The following SETD1A variants were observed in gnomAD, a reference collection of about 807,000 sequenced individuals.
The protein encoded by SETD1A is SET domain containing 1A, histone lysine methyltransferase.
Under a neutral mutation model 149.9 loss-of-function variants are expected in SETD1A, and 29 were observed. That is an observed-to-expected ratio of 0.19 (90% confidence interval 0.14 to 0.26). The LOEUF (loss-of-function observed/expected upper bound fraction) is 0.26, where lower values mean the gene tolerates loss of function less well. Ranked by LOEUF, SETD1A falls within the 10% of genes least tolerant of loss-of-function variation. SETD1A has a pLI of 1.00. For missense variants in SETD1A, 2,109 were observed against 2,353.1 expected (o/e 0.90, Z 2.15); for synonymous variants, 1,141 against 968.5 (o/e 1.18, Z -3.31).
Position 30,980,324 on chromosome 16 carries a change from T to A in SETD1A, c.4408+130T>A, listed in dbSNP as rs1369418505. 6 of 1,435,250 alleles carry A rather than the reference T, an allele frequency of 4.2e-6. No homozygotes were observed. The highest frequency in any genetic ancestry group is 5.6e-6 in the Non-Finnish European group (6 of 1,074,182). The allele number at this position is 1,435,250 out of a possible 1,614,324, so 88.9% of individuals were successfully genotyped here. A position where few individuals can be genotyped will look rare whatever the true frequency, so the allele number is the denominator to read the frequency against. Reference sequence around the variant, plus strand: ...CCATCTTTTCTCTCCTCCTGGTGCCTCTTTTCTGCCTTCCAAAGCATTTCT... The same window carrying A: ...CCATCTTTTCTCTCCTCCTGGTGCCACTTTTCTGCCTTCCAAAGCATTTCT... On this transcript the variant is annotated intron_variant, in intron 14 of 18. Coordinates refer to ENST00000262519, the MANE Select transcript of SETD1A (RefSeq NM_014712.3). This position sits in a 1 kb window ranked among gnomAD's most constrained non-coding sequence, Gnocchi z 7.7.
Position 30,965,738 on chromosome 16 carries a change from G to T in SETD1A, c.1857G>T (p.Ala619=). 6.4e-7 allele frequency: 1 copy of T among 1,563,352 alleles called. No individual in the cohort carries two copies. The highest frequency in any genetic ancestry group is 1.2e-5 in the South Asian group (1 of 86,246). The change falls in exon 8 of 19, where the codon GCG becomes GCT. Residue 619 remains alanine (A), a synonymous_variant. Coordinates refer to ENST00000262519, the MANE Select transcript of SETD1A (RefSeq NM_014712.3). ...PPPPPPPPYL[A]SLPLGYPPHQ... is the part of the protein sequence containing the mutation. ...CGCCGCCTCCTCCTCCCTACCTGGC[G>T]TCCCTTCCTCTTGGTTATCCTCCCC...
At chr16:30,968,208 C>T (rs2056174207) in intron 10 of SETD1A, among the ~76,000 whole-genome samples, 1 of 151,974 alleles carries the variant, frequency 6.6e-6, no homozygotes, top group African/African-American at 2.4e-5. Flanking sequence ...AGTTCAAGAC[C>T]AGCCAGGCCA....
rs765040722 is a variant in SETD1A, at chr16:30,969,361, A to C, written c.2827A>C (p.Lys943Gln). 3.1e-6 allele frequency: 5 copies of C among 1,614,200 alleles called. No homozygotes were observed. The highest frequency in any genetic ancestry group is 4.5e-5 in the East Asian group (2 of 44,868). The change falls in exon 11 of 19, where the codon AAG (lysine) becomes CAG (glutamine). Residue 943 changes from lysine (K) to glutamine (Q), a missense_variant. Transcript: ENST00000262519. ...AGGACGTCCGGGGACCAAGCCCCCG[A>C]AGCGGGACGAAGAGCGAGGCAAGAC... is the stretch of plus-strand genomic sequence containing the variant. ...EPGRPGTKPP[K>Q]RDEERGKTQG...
At chr16:30,960,730 C>CTT (rs71374043) in intron 3 of SETD1A, among the ~76,000 whole-genome samples, 2,904 of 80,352 alleles carry the variant, frequency 0.036, 119 homozygotes, top group Non-Finnish European at 0.039. Flanking sequence ...TTCTTTCTTT[C>CTT]TTTTTTTTTT....
At chr16:30,969,501 TC>T in intron 11 of SETD1A, 39 bp downstream of exon 11, 1 of 1,599,134 alleles carries the variant, frequency 6.3e-7, no homozygotes. Context: ...GAAGCCTACT[TC>T]CCATAGCCAG....
At chr16:30,973,840 C>T (rs1295857189) in intron 13 of SETD1A, among the ~76,000 whole-genome samples, 1 of 152,118 alleles carries the variant, frequency 6.6e-6, no homozygotes, top group Non-Finnish European at 1.5e-5. Context: ...GATGACTCTC[C>T]AACCTCTTCT....
At position 30,964,768 on chromosome 16, in the gene SETD1A, C is replaced by G. The variant is rs754527043; in HGVS notation, c.1026C>G (p.Ser342=). The G allele has an allele frequency of 2.5e-6, 4 of 1,614,238 alleles. No individual in the cohort carries two copies. In the Admixed American group the frequency reaches 6.7e-5, roughly 27 times the overall value. Residue 342 remains serine (S), a synonymous_variant, in exon 7 of 19, where the codon TCC becomes TCG. Transcript: ENST00000262519. The stretch of plus-strand genomic sequence containing the variant: ...CTGCCTCATCCTCCGCCTCTTCCTC[C>G]TCATTGTCCTCGTCCTCCTCGTCAT... ...AATASSSASS[S]SLSSSSSSSS...
At chr16:30,960,689 C>A (rs1221207726) in intron 3 of SETD1A, among the ~76,000 whole-genome samples, 9 of 150,460 alleles carry the variant, frequency 6.0e-5, no homozygotes, top group Admixed American at 6.0e-4. Context: ...GTTCTCTCCA[C>A]GTATATTTAT....
intron 12 of SETD1A, among the ~76,000 whole-genome samples, chr16:30,970,848 A>G (rs1407171187): frequency 6.6e-6 from 1 of 152,178 alleles, no homozygotes; most frequent in East Asian, 1.9e-4. Flanking sequence ...TAACTTATCC[A>G]ATTCTGTTCC....
rs1348236592 is a variant in SETD1A, at chr16:30,980,721, C to A, written c.4582-18C>A. Reference sequence around the variant, plus strand: ...CTTCCCTGCCCTGCTCACCTCCTCCCTGCCGTGTGTCTCACAGGGGACGAA... The same window carrying A: ...CTTCCCTGCCCTGCTCACCTCCTCCATGCCGTGTGTCTCACAGGGGACGAA... On this transcript the variant is annotated intron_variant, in intron 15 of 18. Transcript: ENST00000262519. The surrounding 1 kb of genome is among the most constrained non-coding windows in gnomAD (Gnocchi z 7.7). 2 of 1,611,728 alleles carry A rather than the reference C, an allele frequency of 1.2e-6. No homozygotes were observed. Among genetic ancestry groups the A allele is most frequent in the South Asian group, 2.2e-5 (2 of 90,882 alleles).
rs2056401946 is a variant in SETD1A, at chr16:30,983,068, A to G, written c.4813-567A>G. Among the ~76,000 whole-genome samples the G allele has an allele frequency of 6.6e-6, 1 of 152,150 alleles. No individual in the cohort carries two copies. The highest frequency in any genetic ancestry group is 1.5e-5 in the Non-Finnish European group (1 of 68,032). On this transcript the variant is annotated intron_variant, in intron 17 of 18. Transcript: ENST00000262519. This position sits in a 1 kb window ranked among gnomAD's most constrained non-coding sequence, Gnocchi z 6.8. Reference sequence around the variant, plus strand: ...AGTTTGGGAGGAGTCCCCACCACATAGCTGGCGGCTGAGGCTCTGGAAGGG... The same window carrying G: ...AGTTTGGGAGGAGTCCCCACCACATGGCTGGCGGCTGAGGCTCTGGAAGGG...
chr16:30,958,674 C>G, intron 1 of SETD1A, 43 bp from the exon 2 acceptor site: 3 of 1,569,222 alleles, frequency 1.9e-6, no homozygotes, highest in South Asian at 2.3e-5. Context: ...GGAGTCAGGC[C>G]CCAAGTCCTG....
intron 1 of SETD1A, 200 bp from the exon 2 acceptor site, chr16:30,958,517 G>T (rs1421892757): frequency 5.1e-6 from 3 of 587,134 alleles, no homozygotes; most frequent in Admixed American, 3.0e-5. Context: ...TGACAGTAGA[G>T]TTGGGAGGTG....
intron 7 of SETD1A, 27 bp downstream of exon 7, chr16:30,965,488 C>G: frequency 6.3e-7 from 1 of 1,583,284 alleles, no homozygotes; most frequent in Non-Finnish European, 8.6e-7. Flanking sequence ...CCAGAGGAGG[C>G]ACCTGGGCTC....
Position 30,984,217 on chromosome 16 carries a change from A to G in SETD1A, c.*194A>G. The G allele has an allele frequency of 3.5e-6, 2 of 576,198 alleles. No individual in the cohort carries two copies. The highest frequency in any genetic ancestry group is 6.2e-6 in the Non-Finnish European group (2 of 324,136). 35.7% of individuals were successfully genotyped at this position (576,198 alleles called of 1,614,324 possible). The stretch of plus-strand genomic sequence containing the variant: ...TCTGCCTCTCCTGTCACCCCTGCCC[A>G]CCACCCCCTGATTGTTTTTCTTTGC... On this transcript the variant is annotated 3_prime_UTR_variant, in exon 19 of 19. Transcript: ENST00000262519.
At position 30,971,598 on chromosome 16, in the gene SETD1A, G is replaced by A. The variant is rs149626381; in HGVS notation, c.3237G>A (p.Pro1079=). The change falls in exon 13 of 19, where the codon CCG becomes CCA. Residue 1079 remains proline, a synonymous_variant. Coordinates refer to ENST00000262519, the MANE Select transcript of SETD1A (RefSeq NM_014712.3). ...CAGCAGCCCTTCCCTCAGCCTCCCC[G>A]CCCCCCAGAGAAGTCCCAGTGCCCA... ...ERPAALPSAS[P]PPREVPVPTP... 22 of 1,613,408 alleles carry A rather than the reference G, an allele frequency of 1.4e-5. No homozygotes were observed. The highest frequency in any genetic ancestry group is 3.3e-5 in the Admixed American group (2 of 59,940).
rs2056226463 is a variant in SETD1A at position 30,971,646 on chromosome 16, A to G, written c.3285A>G (p.Pro1095=). 2 of 1,611,406 alleles carry G rather than the reference A, an allele frequency of 1.2e-6. No individual in the cohort carries two copies. The highest frequency in any genetic ancestry group is 1.1e-5 in the South Asian group (1 of 90,930). The change falls in exon 13 of 19, where the codon CCA becomes CCG. Residue 1095 remains proline, a synonymous_variant. Transcript: ENST00000262519. ...CCACGCCAGCACCTGTGGAGGTGCCAGTGCCGGAAAGGGTTGCAGGCTCCC... is the reference window on the plus strand; with the variant it reads ...CCACGCCAGCACCTGTGGAGGTGCCGGTGCCGGAAAGGGTTGCAGGCTCCC... ...PVPTPAPVEV[P]VPERVAGSPV...
rs767705490 is a variant in SETD1A at position 30,967,615 on chromosome 16, G to C, written c.2770+27G>C. ...TGAGCAGGGTCAGGCATAAGGAGAA[G>C]GGGTGTGCTGCGTGGGTTCTGATGG... is the stretch of plus-strand genomic sequence containing the variant. On this transcript the variant is annotated intron_variant, in intron 10 of 18. Transcript: ENST00000262519. 7.5e-6 allele frequency: 12 copies of C among 1,597,618 alleles called. 1 individual carries two copies. The highest frequency in any genetic ancestry group is 1.0e-5 in the Non-Finnish European group (12 of 1,165,260).
Position 30,966,915 on chromosome 16 carries a change from A to C in SETD1A, c.2537A>C (p.Lys846Thr). The change falls in exon 9 of 19, where the codon AAG becomes ACG. Residue 846 changes from lysine to threonine, a missense_variant. By Grantham distance (78) the Lys-to-Thr change is moderately conservative. Around this residue, in one of 8 missense-constraint regions of SETD1A, gnomAD observed 832 missense variants for 815.6 expected, o/e 1.02. Transcript: ENST00000262519. ...PFQNAAKQQA[K>T]EEDKEKTKLK... ...CAGAACGCGGCCAAGCAGCAAGCCA[A>C]GGAGGAGGATAAAGAGAAGACGAAG... 1 of 1,569,436 alleles carries C rather than the reference A, an allele frequency of 6.4e-7. No homozygotes were observed. The highest frequency in any genetic ancestry group is 8.6e-7 in the Non-Finnish European group (1 of 1,157,614).
Sources: gnomAD v4.1 joint callset for allele counts (sites outside exome capture counted in the v4.1 genomes callset) on GRCh38, gnomAD v4.1.1 for gene constraint, gnomAD v4.1.1 regional missense constraint, Gnocchi (gnomAD v3.1) non-coding constraint, MANE v1.5 for transcripts, NCBI Gene and HGNC (gene_info 2026-07-23, HGNC 2026-07-21) for gene names.